Variants in IMMP2L observed in about 807,000 individuals in gnomAD.
IMMP2L encodes the protein mitochondrial inner membrane protease subunit 2.
IMMP2L carries 18 observed loss-of-function variants against 19.3 expected under a neutral mutation model. The ratio of observed to expected loss-of-function variants is 0.93; its 90% confidence interval spans 0.64 to 1.38. The LOEUF (loss-of-function observed/expected upper bound fraction) is 1.38, where lower values mean the gene tolerates loss of function less well. Ranked by LOEUF, IMMP2L falls within the 40% of genes most tolerant of loss-of-function variation. The pLI, the probability that IMMP2L is intolerant of heterozygous loss-of-function variation, is 0.00. For synonymous variants in IMMP2L, 76 were observed against 73.0 expected, an observed-to-expected ratio of 1.04 and a Z score of -0.21; for missense variants, 233 against 218.2, an observed-to-expected ratio of 1.07 and a Z score of -0.43.
rs957211018 is a variant in IMMP2L, at chr7:110,727,873, T to C, written c.409-64152A>G. Among the ~76,000 whole-genome samples, 2 of 152,192 alleles carry C rather than the reference T, an allele frequency of 1.3e-5. No individual in the cohort carries two copies. The highest frequency in any genetic ancestry group is 6.5e-5 in the Admixed American group (1 of 15,278). ...CAGATATGAGGTAAATTTTTACAAATAATTACATCTAACAAGTTGTGCTAA... is the reference window on the plus strand; with the variant it reads ...CAGATATGAGGTAAATTTTTACAAACAATTACATCTAACAAGTTGTGCTAA... On this transcript the variant is annotated intron_variant, in intron 5 of 5. Coordinates refer to ENST00000405709, the MANE Select transcript of IMMP2L (RefSeq NM_032549.4). The surrounding 1 kb of genome is among the most constrained non-coding windows in gnomAD (Gnocchi z 4.3).
intron 3 of IMMP2L, among the ~76,000 whole-genome samples, chr7:111,145,672 C>T (rs111784017): frequency 0.014 from 2,105 of 152,124 alleles, 28 homozygotes; most frequent in South Asian, 0.052. Flanking sequence ...CTGAGCATCG[C>T]GTCAGGGTGA....
chr7:111,399,277 A>C (rs899444480), intron 3 of IMMP2L, among the ~76,000 whole-genome samples: 8 of 152,304 alleles, frequency 5.3e-5, no homozygotes, highest in African/African-American at 1.9e-4. Context: ...CTGGTTTAAA[A>C]ATAGGCACAT....
chr7:110,702,905 G>A (rs1286962757), intron 5 of IMMP2L, among the ~76,000 whole-genome samples: 1 of 151,020 alleles, frequency 6.6e-6, no homozygotes, highest in South Asian at 2.1e-4. Context: ...TCTTTTTCTT[G>A]TTGTACTGTA....
chr7:110,895,872 C>A (rs945899750), intron 4 of IMMP2L, among the ~76,000 whole-genome samples: 1 of 152,098 alleles, frequency 6.6e-6, no homozygotes, highest in Admixed American at 6.6e-5. Flanking sequence ...GGTCTTCTAT[C>A]CTGCAGCCTT....
chr7:110,788,350 C>T (rs1449803783), intron 5 of IMMP2L, among the ~76,000 whole-genome samples: 2 of 149,416 alleles, frequency 1.3e-5, no homozygotes, highest in Admixed American at 6.6e-5. Context: ...TATAATAGCA[C>T]GTGATGCAGT....
intron 3 of IMMP2L, among the ~76,000 whole-genome samples, chr7:111,047,175 G>GT (rs139873770): frequency 1.4e-4 from 21 of 146,744 alleles, no homozygotes; most frequent in African/African-American, 5.1e-4. Context: ...TGTCTTTTTT[G>GT]TTTTTTTTTT....
intron 5 of IMMP2L, among the ~76,000 whole-genome samples, chr7:110,794,343 C>T (rs1051692565): frequency 2.0e-5 from 3 of 151,954 alleles, no homozygotes; most frequent in Non-Finnish European, 4.4e-5. Flanking sequence ...AATTTCAAGC[C>T]ATAGAAAGAC....
chr7:111,221,996 G>C (rs1226072121), intron 3 of IMMP2L, among the ~76,000 whole-genome samples: 2 of 151,914 alleles, frequency 1.3e-5, no homozygotes, highest in Non-Finnish European at 2.9e-5. Context: ...GGGGATGATG[G>C]GGGAAAAGTA....
intron 5 of IMMP2L, among the ~76,000 whole-genome samples, chr7:110,801,986 G>A (rs971752234): frequency 1.3e-5 from 2 of 152,012 alleles, no homozygotes; most frequent in African/African-American, 4.8e-5. Context: ...TGACAGTGAA[G>A]ATCACCAAAC....
chr7:111,352,221 T>C (rs1429904031), intron 3 of IMMP2L, among the ~76,000 whole-genome samples: 1 of 152,090 alleles, frequency 6.6e-6, no homozygotes, highest in African/African-American at 2.4e-5. Context: ...AAGTATTTTT[T>C]AAGAAAACCT....
At chr7:110,899,538 T>G (rs1444268325) in intron 4 of IMMP2L, among the ~76,000 whole-genome samples, 4 of 152,286 alleles carry the variant, frequency 2.6e-5, no homozygotes, top group Admixed American at 2.0e-4. Context: ...GAATATCAAA[T>G]AAGGAATTCT....
chr7:111,128,273 G>C (rs1369457456), intron 3 of IMMP2L, among the ~76,000 whole-genome samples: 2 of 151,994 alleles, frequency 1.3e-5, no homozygotes, highest in African/African-American at 2.4e-5. Flanking sequence ...TATTCTACTA[G>C]ATTATATTCT....
intron 3 of IMMP2L, among the ~76,000 whole-genome samples, chr7:111,364,621 TGA>T (rs1198670448): frequency 6.9e-6 from 1 of 145,108 alleles, no homozygotes; most frequent in Admixed American, 7.1e-5. Flanking sequence ...GGCTACAGAG[TGA>T]GACTCGGTCT....
At chr7:110,716,635 CTCTTG>C (rs1177964442) in intron 5 of IMMP2L, among the ~76,000 whole-genome samples, 1 of 152,174 alleles carries the variant, frequency 6.6e-6, no homozygotes, top group Non-Finnish European at 1.5e-5. Flanking sequence ...CACCTAATCT[CTCTTG>C]TCTTGTAAGA....
In IMMP2L at chr7:111,200,900, T is replaced by C. The variant is rs531647278; in HGVS notation, c.240-237335A>G. 3.7e-4 allele frequency among the ~76,000 whole-genome samples: 56 copies of C among 152,282 alleles called. No individual in the cohort carries two copies. In the South Asian group the frequency reaches 0.012, roughly 32 times the overall value. ...TTTAGTACTCCTGCAAGAACTAATA[T>C]TGTCATTGTTGCTTATTTTATTCAA... On this transcript the variant is annotated intron_variant, in intron 3 of 5. Coordinates refer to ENST00000405709, the MANE Select transcript of IMMP2L (RefSeq NM_032549.4).
intron 3 of IMMP2L, among the ~76,000 whole-genome samples, chr7:111,041,521 T>G (rs560990871): frequency 6.6e-6 from 1 of 151,610 alleles, no homozygotes; most frequent in Admixed American, 6.6e-5. Context: ...AAAGTTAAAC[T>G]CTTTTTGATA....
chr7:111,314,434 A>G (rs533782475), intron 3 of IMMP2L, among the ~76,000 whole-genome samples: 1 of 152,244 alleles, frequency 6.6e-6, no homozygotes, highest in East Asian at 1.9e-4. Context: ...CTATTAATAT[A>G]TTGCTCATAC....
chr7:111,265,863 T>G (rs1012595377), intron 3 of IMMP2L, among the ~76,000 whole-genome samples: 3 of 152,084 alleles, frequency 2.0e-5, no homozygotes, highest in Non-Finnish European at 4.4e-5. Context: ...TCAGGGAAAT[T>G]TAAAGGAAAA....
intron 5 of IMMP2L, among the ~76,000 whole-genome samples, chr7:110,789,041 TG>T (rs1800282290): frequency 6.6e-6 from 1 of 151,776 alleles, no homozygotes. Context: ...AAAGACGACC[TG>T]GGGAAGCTGT....
Sources: gnomAD v4.1 joint callset for allele counts (sites outside exome capture counted in the v4.1 genomes callset) on GRCh38, gnomAD v4.1.1 for gene constraint, Gnocchi (gnomAD v3.1) non-coding constraint, MANE v1.5 for transcripts, NCBI Gene and HGNC (gene_info 2026-07-23, HGNC 2026-07-21) for gene names.